BEND3: variants seen among roughly 807,000 people sequenced by gnomAD.
BEND3 encodes BEN domain containing 3.
In BEND3, 13 loss-of-function variants were observed where a neutral mutation model predicts 60.1. The observed-to-expected ratio is 0.22, with a 90% CI of 0.14 to 0.34. The LOEUF is 0.34. BEND3 is among the 10% of genes least tolerant of loss of function. The probability of loss-of-function intolerance (pLI) is 1.00; values close to 1 mark genes in which losing one functional copy is unlikely to be tolerated. For synonymous variants in BEND3, 497 were observed against 491.5 expected (o/e 1.01, Z -0.15); for missense variants, 896 against 1,138.1 (o/e 0.79, Z 3.06).
At chr6:107,089,236 T>C (rs111786720) in intron 3 of BEND3, among the ~76,000 whole-genome samples, 30 of 152,276 alleles carry the variant, frequency 2.0e-4, no homozygotes, top group Non-Finnish European at 3.7e-4. Context: ...TATTCCACAT[T>C]CGTGATTCGA....
At chr6:107,082,273 C>T (rs975199859) in intron 3 of BEND3, among the ~76,000 whole-genome samples, 3 of 152,040 alleles carry the variant, frequency 2.0e-5, no homozygotes, top group Admixed American at 6.6e-5. Flanking sequence ...GGATAATGTA[C>T]GTAAAGGGAA....
At chr6:107,102,449 C>T (rs1286634674) in intron 1 of BEND3, among the ~76,000 whole-genome samples, 1 of 152,196 alleles carries the variant, frequency 6.6e-6, no homozygotes, top group Non-Finnish European at 1.5e-5. Flanking sequence ...AGGAAGAGCA[C>T]ACATCTCAGC....
At chr6:107,083,349 G>C (rs1335211186) in intron 3 of BEND3, among the ~76,000 whole-genome samples, 3 of 152,174 alleles carry the variant, frequency 2.0e-5, no homozygotes, top group Non-Finnish European at 4.4e-5. Context: ...GCCAGGCACG[G>C]TGGCTCATGC....
chr6:107,080,371 AAAAAAAC>A (rs1554233373), intron 3 of BEND3, among the ~76,000 whole-genome samples: 169 of 119,040 alleles, frequency 1.4e-3, no homozygotes, highest in African/African-American at 4.9e-3. Flanking sequence ...AAAAAAAAAA[AAAAAAAC>A]AAAAAACAGG....
rs139674360 is a variant in BEND3, at chr6:107,084,219, C to A, written c.241-13269G>T. On this transcript the variant is annotated intron_variant, in intron 3 of 3. Coordinates refer to ENST00000369042, the MANE Select transcript of BEND3 (RefSeq NM_001367314.1). The stretch of plus-strand genomic sequence containing the variant: ...ACTTCCACAGGAACCAGCACTAGGG[C>A]AGGGAAACCTGAACTGCAACTGAGG... 2.4e-3 allele frequency among the ~76,000 whole-genome samples: 371 copies of A among 152,328 alleles called. 2 individuals are homozygous for A. Among genetic ancestry groups the A allele is most frequent in the Middle Eastern group, 6.8e-3 (2 of 294 alleles).
rs566902247 is a variant in BEND3, at chr6:107,102,745, C to T, written c.-11-3449G>A. Among the ~76,000 whole-genome samples, 7 of 152,320 alleles carry T rather than the reference C, an allele frequency of 4.6e-5. No individual in the cohort carries two copies. The South Asian group carries it at 8.3e-4, about 18-fold the overall frequency. The stretch of plus-strand genomic sequence containing the variant: ...AAACCTCGCGCCTGCCCCTGGCTTG[C>T]GCAGTGGGGAGTGAGGTGAGCATCC... On this transcript the variant is annotated intron_variant, in intron 1 of 3. Coordinates refer to ENST00000369042, the MANE Select transcript of BEND3 (RefSeq NM_001367314.1).
Position 107,069,384 on chromosome 6 carries a change from T to C in BEND3, c.1807A>G (p.Lys603Glu). The C allele has an allele frequency of 6.2e-7, 1 of 1,612,882 alleles. No individual in the cohort carries two copies. Among genetic ancestry groups the C allele is most frequent in the Non-Finnish European group, 8.5e-7 (1 of 1,179,896 alleles). ...ATGCGGGAGGGGTCCAGCTGCTTCT[T>C]GCCCAGGGAGCCGCTGCAGTTGTAC... ...KQYNCSGSLG[K>E]KQLDPSRIKL... Residue 603 changes from lysine to glutamate, a missense_variant, in exon 4 of 4, where the codon AAG (lysine) becomes GAG (glutamate). This residue lies in a region of BEND3 where 846 missense variants were observed against 1,036.7 expected (regional missense o/e 0.82). Coordinates refer to ENST00000369042, the MANE Select transcript of BEND3 (RefSeq NM_001367314.1).
rs1243716576 is a variant in BEND3, at chr6:107,066,651, T to C, written c.*2053A>G. The C allele has an allele frequency of 6.6e-6, 1 of 152,576 alleles. No homozygotes were observed. The highest frequency in any genetic ancestry group is 1.5e-5 in the Non-Finnish European group (1 of 68,040). 9.5% of individuals were successfully genotyped at this position (152,576 alleles called of 1,614,324 possible). A position where few individuals can be genotyped will look rare whatever the true frequency, so the allele number is the denominator to read the frequency against. On this transcript the variant is annotated 3_prime_UTR_variant, in exon 4 of 4. Coordinates refer to ENST00000369042, the MANE Select transcript of BEND3 (RefSeq NM_001367314.1). ...GCAATTCATGGCTTGGAGTCCTCGT[T>C]TACATCCTAGAAACCAGAACAAATT...
At chr6:107,094,247 A>T (rs1291077302) in intron 3 of BEND3, among the ~76,000 whole-genome samples, 3 of 152,090 alleles carry the variant, frequency 2.0e-5, no homozygotes, top group Non-Finnish European at 4.4e-5. Flanking sequence ...CTTAATAGCC[A>T]CTTCACCAAA....
chr6:107,106,834 C>T (rs907706965), intron 1 of BEND3, among the ~76,000 whole-genome samples: 5 of 152,106 alleles, frequency 3.3e-5, no homozygotes, highest in African/African-American at 4.8e-5. Flanking sequence ...TCTCAAACTC[C>T]GGGCTTCCAG....
intron 3 of BEND3, among the ~76,000 whole-genome samples, chr6:107,071,495 G>A (rs1298205794): frequency 6.6e-6 from 1 of 152,136 alleles, no homozygotes; most frequent in Non-Finnish European, 1.5e-5. Flanking sequence ...GGGATGCATG[G>A]TCGGGGCACC....
chr6:107,084,652 G>A (rs1220928350), intron 3 of BEND3, among the ~76,000 whole-genome samples: 5 of 150,968 alleles, frequency 3.3e-5, no homozygotes, highest in African/African-American at 9.8e-5. Context: ...GACTGTACAC[G>A]CACCAATCAG....
At position 107,069,061 on chromosome 6, in the gene BEND3, C is replaced by T. The variant is rs202079140; in HGVS notation, c.2130G>A (p.Ser710=). The stretch of plus-strand genomic sequence containing the variant: ...AGGGAGAAGGCACCGGGAAGTCAGG[C>T]GAGGGGACCACCAGCTCGTCCAAGG... The part of the protein sequence containing the change: ...KIPLDELVVP[S]PDFPVPSPYL... The change falls in exon 4 of 4, where the codon TCG becomes TCA. Residue 710 remains serine (S), a synonymous_variant. Transcript: ENST00000369042. 54 of 1,613,418 alleles carry T rather than the reference C, an allele frequency of 3.3e-5. No homozygotes were observed. The highest frequency in any genetic ancestry group is 2.1e-4 in the African/African-American group (16 of 75,016).
intron 1 of BEND3, chr6:107,114,368 G>C (rs1770211042): frequency 6.6e-6 from 1 of 152,184 alleles, no homozygotes; most frequent in East Asian, 1.9e-4. Flanking sequence ...CTGGGCAGCG[G>C]GAACCGCGAA....
chr6:107,113,475 A>G (rs574064378), intron 1 of BEND3, among the ~76,000 whole-genome samples: 35 of 148,534 alleles, frequency 2.4e-4, no homozygotes, highest in Admixed American at 6.8e-4. Context: ...CTCATGTTCC[A>G]TGACAGGAGG....
chr6:107,075,120 G>A (rs1156351464), intron 3 of BEND3, among the ~76,000 whole-genome samples: 3 of 151,798 alleles, frequency 2.0e-5, no homozygotes, highest in African/African-American at 7.3e-5. Flanking sequence ...TAGCCACTAG[G>A]GAGGCTTAGG....
intron 3 of BEND3, among the ~76,000 whole-genome samples, chr6:107,094,447 C>A (rs1250111273): frequency 6.6e-6 from 1 of 151,848 alleles, no homozygotes; most frequent in Admixed American, 6.6e-5. Context: ...CATAGAGAAA[C>A]CCCGTCTCTG....
intron 3 of BEND3, among the ~76,000 whole-genome samples, chr6:107,083,542 T>A (rs894535297): frequency 1.3e-5 from 2 of 151,738 alleles, no homozygotes; most frequent in Non-Finnish European, 2.9e-5. Context: ...GAGGCTGAGG[T>A]GGGAAGATCC....
intron 3 of BEND3, among the ~76,000 whole-genome samples, chr6:107,085,425 G>A (rs1259243477): frequency 5.3e-5 from 8 of 152,166 alleles, no homozygotes; most frequent in Non-Finnish European, 1.2e-4. Context: ...GGAGGGGAAA[G>A]GGAACCAATC....
Sources: allele counts gnomAD v4.1 joint callset (sites outside exome capture counted in the v4.1 genomes callset), GRCh38; gene constraint gnomAD v4.1.1; regional missense constraint gnomAD v4.1.1; transcripts MANE v1.5; gene names NCBI Gene and HGNC (gene_info 2026-07-23, HGNC 2026-07-21).